The following FSIP2 variants were observed in gnomAD, a reference collection of about 807,000 sequenced individuals.
FSIP2 encodes fibrous sheath-interacting protein 2.
In FSIP2, 367 loss-of-function variants were observed where a neutral mutation model predicts 510.5. The ratio of observed to expected loss-of-function variants is 0.72; its 90% CI spans 0.66 to 0.78. The LOEUF (loss-of-function observed/expected upper bound fraction) is 0.78, where lower values mean the gene tolerates loss of function less well. FSIP2 is among the 30% of genes least tolerant of loss of function. FSIP2 has a pLI of 0.00. For synonymous variants in FSIP2, 2,601 were observed against 2,732.2 expected, an observed-to-expected ratio of 0.95 and a Z score of 1.50; for missense variants, 7,594 against 7,901.7, an observed-to-expected ratio of 0.96 and a Z score of 1.48.
chr2:185,766,149 C>T (rs1692472627), intron 13 of FSIP2: 2 of 151,892 alleles, frequency 1.3e-5, no homozygotes, highest in Non-Finnish European at 2.9e-5. Flanking sequence ...TTCCTTACAC[C>T]TTATACAAAA....
chr2:185,782,574 C>A, intron 13 of FSIP2, 131 bp from the exon 14 acceptor site: 1 of 648,108 alleles, frequency 1.5e-6, no homozygotes. Context: ...TTGGACTTCA[C>A]TGTGGAGAGT....
intron 13 of FSIP2, chr2:185,766,126 T>A (rs992192948): frequency 6.6e-6 from 1 of 152,102 alleles, no homozygotes; most frequent in Non-Finnish European, 1.5e-5. Context: ...CCTAATTGAA[T>A]AACCTGGATC....
chr2:185,807,763 A>G lies in FSIP2; in HGVS notation c.18457A>G (p.Ile6153Val). 1 of 1,612,416 alleles carries G rather than the reference A, an allele frequency of 6.2e-7. No individual in the cohort carries two copies. Residue 6153 changes from isoleucine to valine, a missense_variant, in exon 17 of 23, where the codon ATC (isoleucine) becomes GTC (valine). By Grantham distance (29) the Ile-to-Val change is conservative. Transcript: ENST00000424728. ...GGAAGTTGAAAACATCGTTGAAAAG[A>G]TCCTTAAAGATGTTTTCCAAACTAC... ...CVEVENIVEK[I>V]LKDVFQTTDV...
rs1693196330 is a variant in FSIP2 at position 185,793,748 on chromosome 2, G to T, written c.6612G>T (p.Gly2204=). The part of the protein sequence containing the change: ...PKIDCQQPLK[G]SKTERKTERF... Reference sequence around the variant, plus strand: ...TAGACTGTCAACAGCCTCTTAAGGGGTCAAAAACTGAAAGAAAAACAGAGC... The same window carrying T: ...TAGACTGTCAACAGCCTCTTAAGGGTTCAAAAACTGAAAGAAAAACAGAGC... Residue 2204 remains glycine (G), a synonymous_variant, in exon 16 of 23, where the codon GGG becomes GGT. Coordinates refer to ENST00000424728, the MANE Select transcript of FSIP2 (RefSeq NM_173651.4). 3 of 1,533,158 alleles carry T rather than the reference G, an allele frequency of 2.0e-6. No individual in the cohort carries two copies. The highest frequency in any genetic ancestry group is 2.6e-6 in the Non-Finnish European group (3 of 1,145,404). The allele number at this position is 1,533,158 out of a possible 1,614,324, so 95.0% of individuals were successfully genotyped here. A position where few individuals can be genotyped will look rare whatever the true frequency, so the allele number is the denominator to read the frequency against.
rs148800739 is a variant in FSIP2 at position 185,762,820 on chromosome 2, C to CTTTG, written c.1241-359_1241-356dup. Among the ~76,000 whole-genome samples, 1,062 of 151,504 alleles carry CTTTG rather than the reference C, an allele frequency of 7.0e-3. 11 individuals are homozygous for CTTTG. The highest frequency in any genetic ancestry group is 0.025 in the African/African-American group (1,021 of 41,460). ...ATGAAACAATCTTCCTAAATCACAG[C>CTTTG]TTTGTTTATTTCACTATCCAGATGA... On this transcript the variant is annotated intron_variant, in intron 11 of 22. Transcript: ENST00000424728.
At chr2:185,798,444 T>C (rs576361011) in intron 16 of FSIP2, among the ~76,000 whole-genome samples, 1 of 152,068 alleles carries the variant, frequency 6.6e-6, no homozygotes, top group South Asian at 2.1e-4. Flanking sequence ...GTAATCGTCA[T>C]TTTGTATATC....
chr2:185,794,436 G>C lies in FSIP2; in HGVS notation c.7300G>C (p.Glu2434Gln), dbSNP rs953779935. Reference sequence around the variant, plus strand: ...AAATGAAATATTGCTGGGTCACAAAGAGAAGGAAAGAAGTACCAAACAATC... The same window carrying C: ...AAATGAAATATTGCTGGGTCACAAACAGAAGGAAAGAAGTACCAAACAATC... ...LSNEILLGHKEKERSTKQSLF... is the reference protein window; with the variant it reads ...LSNEILLGHKQKERSTKQSLF... The change falls in exon 16 of 23, where the codon GAG (glutamate) becomes CAG (glutamine). Residue 2434 changes from glutamate to glutamine, a missense_variant. Transcript: ENST00000424728. The C allele has an allele frequency of 6.6e-7, 1 of 1,511,232 alleles. No homozygotes were observed. The highest frequency in any genetic ancestry group is 1.4e-5 in the African/African-American group (1 of 71,358). 93.6% of individuals were successfully genotyped at this position (1,511,232 alleles called of 1,614,324 possible).
chr2:185,815,608 C>A, intron 19 of FSIP2, 137 bp downstream of exon 19: 1 of 497,662 alleles, frequency 2.0e-6, no homozygotes, highest in South Asian at 3.5e-5. Context: ...TTCAGTGGCA[C>A]CCTACTGTGA....
At position 185,803,182 on chromosome 2, in the gene FSIP2, G is replaced by A. The variant is rs375130467; in HGVS notation, c.13876G>A (p.Val4626Ile). 7.2e-6 allele frequency: 11 copies of A among 1,532,400 alleles called. No individual in the cohort carries two copies. Among genetic ancestry groups the A allele is most frequent in the Non-Finnish European group, 8.7e-6 (10 of 1,144,724 alleles). The allele number at this position is 1,532,400 out of a possible 1,614,324, so 94.9% of individuals were successfully genotyped here. A position where few individuals can be genotyped will look rare whatever the true frequency, so the allele number is the denominator to read the frequency against. Residue 4626 changes from valine to isoleucine, a missense_variant, in exon 17 of 23, where the codon GTA (valine) becomes ATA (isoleucine). Transcript: ENST00000424728. ...TTACTCTTCAACATTCTTGGAAGAT[G>A]TAATCTCTGGGGTTTTAAGAAAAAT... ...SVYSSTFLED[V>I]ISGVLRKIFH...
In FSIP2 at chr2:185,802,466, TAGACCTTGCTG is replaced by T. The variant is rs1693463568; in HGVS notation, c.13161_13171del (p.Asp4388Ter). 6.5e-7 allele frequency: 1 copy of T among 1,533,822 alleles called. No individual in the cohort carries two copies. The highest frequency in any genetic ancestry group is 1.4e-5 in the African/African-American group (1 of 72,880). ...AGAAATGCTTTAAAGCAGCATGGGC[TAGACCTTGCTG>T]TTGATAAAGAGTCTGAAGACAGTGG... On this transcript the variant is annotated frameshift_variant, in exon 17 of 23. Transcript: ENST00000424728. LOFTEE classifies it high-confidence loss of function.
At chr2:185,761,429 ATAAAT>A (rs978896089) in intron 10 of FSIP2, among the ~76,000 whole-genome samples, 5 of 151,320 alleles carry the variant, frequency 3.3e-5, no homozygotes, top group African/African-American at 1.2e-4. Flanking sequence ...GTAATATAAG[ATAAAT>A]TAAATATAAG....
At chr2:185,753,693 T>C in intron 7 of FSIP2, 29 bp from the exon 8 acceptor site, 2 of 944,008 alleles carry the variant, frequency 2.1e-6, no homozygotes, top group South Asian at 1.8e-5. Flanking sequence ...AAGTTAATAT[T>C]AACCAATATA....
In FSIP2 at chr2:185,747,369, A is replaced by G. The variant is rs1343647054; in HGVS notation, c.816A>G (p.Arg272=). The G allele has an allele frequency of 8.5e-6, 13 of 1,533,440 alleles. No homozygotes were observed. The highest frequency in any genetic ancestry group is 2.0e-5 in the Admixed American group (1 of 50,952). 95.0% of individuals were successfully genotyped at this position (1,533,440 alleles called of 1,614,324 possible). Residue 272 remains arginine, a synonymous_variant, in exon 7 of 23, where the codon AGA becomes AGG. Coordinates refer to ENST00000424728, the MANE Select transcript of FSIP2 (RefSeq NM_173651.4). Reference sequence around the variant, plus strand: ...CAAGGATGGCAGAAGATGTTAAAAGAGAAGAGAGGATAGAAGAACAACAGC... The same window carrying G: ...CAAGGATGGCAGAAGATGTTAAAAGGGAAGAGAGGATAGAAGAACAACAGC... ...LLTRMAEDVK[R]EERIEEQQHR...
rs1277810590 is a variant in FSIP2, at chr2:185,808,882, G to A, written c.19576G>A (p.Gly6526Arg). 1 of 1,606,426 alleles carries A rather than the reference G, an allele frequency of 6.2e-7. No homozygotes were observed. Among genetic ancestry groups the A allele is most frequent in the South Asian group, 1.1e-5 (1 of 89,204 alleles). Residue 6526 changes from glycine to arginine, a missense_variant, in exon 17 of 23, where the codon GGA becomes AGA. By Grantham distance (125) the Gly-to-Arg change is moderately radical. Coordinates refer to ENST00000424728, the MANE Select transcript of FSIP2 (RefSeq NM_173651.4). The stretch of plus-strand genomic sequence containing the variant: ...TCCAATTAAAATAGTTCCACATGTT[G>A]GAAAAAAACCAGTCAAAATAGATCC... ...ESPIKIVPHV[G>R]KKPVKIDPKI...
At position 185,801,627 on chromosome 2, in the gene FSIP2, T is replaced by G. The variant is rs1693437536; in HGVS notation, c.12321T>G (p.Pro4107=). 1 of 1,530,244 alleles carries G rather than the reference T, an allele frequency of 6.5e-7. No individual in the cohort carries two copies. The highest frequency in any genetic ancestry group is 8.7e-7 in the Non-Finnish European group (1 of 1,144,342). 94.8% of individuals were successfully genotyped at this position (1,530,244 alleles called of 1,614,324 possible). Residue 4107 remains proline (P), a synonymous_variant, in exon 17 of 23, where the codon CCT becomes CCG. Coordinates refer to ENST00000424728, the MANE Select transcript of FSIP2 (RefSeq NM_173651.4). ...KEHLIPHSYY[P]LKPEIILQKL... is the part of the protein sequence containing the mutation. ...ATCTCATACCCCATTCATATTACCC[T>G]CTCAAACCTGAAATTATATTGCAAA...
intron 7 of FSIP2, 124 bp downstream of exon 7, chr2:185,747,547 T>C: frequency 1.9e-6 from 1 of 531,298 alleles, no homozygotes; most frequent in Non-Finnish European, 3.4e-6. Context: ...ATGCATGATA[T>C]AAAACTGCAA....
At chr2:185,829,600 C>T (rs1156296520) in intron 21 of FSIP2, among the ~76,000 whole-genome samples, 1 of 151,976 alleles carries the variant, frequency 6.6e-6, no homozygotes, top group African/African-American at 2.4e-5. Flanking sequence ...TTGGCCCTGC[C>T]TCAAGGCAAG....
intron 20 of FSIP2, among the ~76,000 whole-genome samples, chr2:185,825,694 T>C (rs1028086871): frequency 6.6e-6 from 1 of 151,846 alleles, no homozygotes; most frequent in Non-Finnish European, 1.5e-5. Flanking sequence ...TTTAGTAATA[T>C]CACAGGTGTT....
At chr2:185,762,136 G>T in intron 11 of FSIP2, 119 bp downstream of exon 11, 2 of 517,874 alleles carry the variant, frequency 3.9e-6, no homozygotes, top group Non-Finnish European at 6.7e-6. Flanking sequence ...AAAAATTAAG[G>T]CTGATATAAA....
Sources: allele counts gnomAD v4.1 joint callset (sites outside exome capture counted in the v4.1 genomes callset), GRCh38; gene constraint gnomAD v4.1.1; transcripts MANE v1.5; gene names NCBI Gene and HGNC (gene_info 2026-07-23, HGNC 2026-07-21).